WDR64: variants seen among roughly 807,000 people sequenced by gnomAD.
The protein encoded by WDR64 is WD repeat-containing protein 64.
WDR64 carries 112 observed loss-of-function variants against 139.3 expected under a neutral mutation model. That is an observed-to-expected ratio of 0.80 (90% CI 0.69 to 0.94). WDR64 has a LOEUF of 0.94. WDR64 is among the 40% of genes least tolerant of loss of function. The pLI is 0.00. For missense variants in WDR64, 1,206 were observed against 1,293.1 expected (o/e 0.93, Z 1.03); for synonymous variants, 444 against 437.7 (o/e 1.01, Z -0.18).
chr1:241,772,979 A>G (rs1451148991), intron 20 of WDR64, 48 bp downstream of exon 20: 4 of 1,512,262 alleles, frequency 2.6e-6, no homozygotes, highest in Non-Finnish European at 2.7e-6. Flanking sequence ...GGGAAAGATA[A>G]AAAGAATCAT....
At chr1:241,713,535 A>G (rs866391722) in intron 9 of WDR64, among the ~76,000 whole-genome samples, 1 of 141,034 alleles carries the variant, frequency 7.1e-6, no homozygotes, top group African/African-American at 2.7e-5. Flanking sequence ...AAAAGCAAGG[A>G]AGGGAGGGAG....
intron 14 of WDR64, among the ~76,000 whole-genome samples, chr1:241,750,350 C>T (rs1207611110): frequency 1.3e-5 from 2 of 152,142 alleles, no homozygotes; most frequent in Non-Finnish European, 2.9e-5. Context: ...ATTGCCTTTA[C>T]CCTTTTGAAA....
intron 11 of WDR64, among the ~76,000 whole-genome samples, chr1:241,739,880 T>G (rs887091188): frequency 6.6e-6 from 1 of 152,232 alleles, no homozygotes; most frequent in African/African-American, 2.4e-5. Flanking sequence ...ATTCATTCTT[T>G]GATTCAAATG....
chr1:241,795,330 GAGA>G, intron 26 of WDR64, 43 bp downstream of exon 26: 2 of 1,541,442 alleles, frequency 1.3e-6, no homozygotes, highest in South Asian at 1.2e-5. Flanking sequence ...CAGAACAGTA[GAGA>G]ATCTGCCATC....
chr1:241,746,876 C>T (rs577042074), intron 13 of WDR64, among the ~76,000 whole-genome samples: 1 of 151,910 alleles, frequency 6.6e-6, no homozygotes, highest in African/African-American at 2.4e-5. Flanking sequence ...TCTCCTGCCT[C>T]AGCCTTCTGA....
rs1659526939 is a variant in WDR64 at position 241,801,593 on chromosome 1, G to C, written c.*378G>C. ...ACTGTCAGAACATGTGCAGTAAAAG[G>C]CACTTTCAAGTCATGCTATGTGTTG... On this transcript the variant is annotated 3_prime_UTR_variant, in exon 28 of 28. Coordinates refer to ENST00000437684, the MANE Select transcript of WDR64 (RefSeq NM_001367482.1). 1 of 401,456 alleles carries C rather than the reference G, an allele frequency of 2.5e-6. No individual in the cohort carries two copies. Among genetic ancestry groups the C allele is most frequent in the African/African-American group, 2.1e-5 (1 of 48,680 alleles). 24.9% of individuals were successfully genotyped at this position (401,456 alleles called of 1,614,324 possible).
At chr1:241,778,526 G>A (rs995365991) in intron 21 of WDR64, among the ~76,000 whole-genome samples, 1 of 152,118 alleles carries the variant, frequency 6.6e-6, no homozygotes, top group Non-Finnish European at 1.5e-5. Flanking sequence ...AGTTGAATTA[G>A]TATCTACCAT....
chr1:241,738,158 ACTG>A (rs35933135), intron 10 of WDR64, among the ~76,000 whole-genome samples: 53,909 of 151,870 alleles, frequency 0.35, 9,771 homozygotes, highest in East Asian at 0.5. Flanking sequence ...CAAAGTAATC[ACTG>A]CTGCTATTTT....
intron 2 of WDR64, among the ~76,000 whole-genome samples, chr1:241,665,987 C>G (rs1174114739): frequency 6.6e-6 from 1 of 152,096 alleles, no homozygotes; most frequent in African/African-American, 2.4e-5. Context: ...AAGCTGCATG[C>G]AGGTTTTTAT....
intron 10 of WDR64, among the ~76,000 whole-genome samples, chr1:241,728,823 C>CT (rs66478639): frequency 8.0e-4 from 119 of 148,690 alleles, no homozygotes; most frequent in African/African-American, 1.1e-3. Context: ...TTCTCTTCTT[C>CT]TTTTTTTTTT....
At chr1:241,669,958 A>T (rs534995844) in intron 2 of WDR64, among the ~76,000 whole-genome samples, 1 of 152,352 alleles carries the variant, frequency 6.6e-6, no homozygotes, top group African/African-American at 2.4e-5. Context: ...CCGGGTGGCT[A>T]GTATGCACAG....
chr1:241,722,187 G>A (rs1668637441), intron 9 of WDR64, among the ~76,000 whole-genome samples: 4 of 152,052 alleles, frequency 2.6e-5, no homozygotes, highest in Admixed American at 1.3e-4. Context: ...AATACCCAAC[G>A]GCATTAGCTA....
intron 9 of WDR64, among the ~76,000 whole-genome samples, chr1:241,714,756 G>C (rs1024737560): frequency 6.6e-6 from 1 of 152,162 alleles, no homozygotes; most frequent in African/African-American, 2.4e-5. Context: ...CAATGCACTA[G>C]AAGTTAGAAT....
At chr1:241,660,775 T>C (rs1665802550) in intron 2 of WDR64, 115 bp downstream of exon 2, 2 of 1,133,150 alleles carry the variant, frequency 1.8e-6, no homozygotes, top group Non-Finnish European at 2.5e-6. Context: ...CGTGCATGTG[T>C]CAGTTTCAAT....
intron 10 of WDR64, among the ~76,000 whole-genome samples, chr1:241,725,668 G>A (rs572169509): frequency 6.6e-6 from 1 of 152,276 alleles, no homozygotes; most frequent in Non-Finnish European, 1.5e-5. Flanking sequence ...TCACAACTGA[G>A]GACGTGACCT....
rs747769344 is a variant in WDR64, at chr1:241,787,958, C to T, written c.2815C>T (p.Pro939Ser). The change falls in exon 24 of 28, where the codon CCC becomes TCC. Residue 939 changes from proline (P) to serine (S), a missense_variant. Physicochemically the swap from Pro to Ser is moderately conservative, Grantham distance 74. Transcript: ENST00000437684. ...FILPCDVTEY[P>S]IEIKEESKFT... is the part of the protein sequence containing the mutation. Reference sequence around the variant, plus strand: ...TTTGCCTTGTGATGTTACTGAATATCCCATAGAAATAAAAGAAGAAAGCAA... The same window carrying T: ...TTTGCCTTGTGATGTTACTGAATATTCCATAGAAATAAAAGAAGAAAGCAA... The T allele has an allele frequency of 6.2e-7, 1 of 1,610,148 alleles. No individual in the cohort carries two copies. The highest frequency in any genetic ancestry group is 8.5e-7 in the Non-Finnish European group (1 of 1,178,724).
At chr1:241,781,019 AAAAC>A (rs1408345066) in intron 22 of WDR64, among the ~76,000 whole-genome samples, 6 of 152,220 alleles carry the variant, frequency 3.9e-5, no homozygotes, top group Non-Finnish European at 8.8e-5. Context: ...AAGCTGAACA[AAAAC>A]AAACCGTATG....
chr1:241,687,526 T>C lies in WDR64; in HGVS notation c.905T>C (p.Phe302Ser), dbSNP rs1402405369. The change falls in exon 8 of 28, where the codon TTT becomes TCT. Residue 302 changes from phenylalanine (F) to serine (S), a missense_variant. Physicochemically the swap from Phe to Ser is radical, Grantham distance 155. Coordinates refer to ENST00000437684, the MANE Select transcript of WDR64 (RefSeq NM_001367482.1). Reference sequence around the variant, plus strand: ...AGATATATTTCAGCCCTAAATTGTTTTGGATCCTGCTCCTTAGACAGTAAT... The same window carrying C: ...AGATATATTTCAGCCCTAAATTGTTCTGGATCCTGCTCCTTAGACAGTAAT... ...KIRYISALNC[F>S]GSCSLDSNHS... is the part of the protein sequence containing the mutation. The C allele has an allele frequency of 3.1e-6, 5 of 1,613,846 alleles. No homozygotes were observed. The highest frequency in any genetic ancestry group is 1.7e-6 in the Non-Finnish European group (2 of 1,179,916).
chr1:241,769,648 C>A (rs941935718), intron 17 of WDR64, 143 bp downstream of exon 17: 1 of 736,420 alleles, frequency 1.4e-6, no homozygotes, highest in Non-Finnish European at 2.2e-6. Context: ...GAAGGGACCA[C>A]TGAAAAAAGA....
Sources: gnomAD v4.1 joint callset for allele counts (sites outside exome capture counted in the v4.1 genomes callset) on GRCh38, gnomAD v4.1.1 for gene constraint, MANE v1.5 for transcripts, NCBI Gene and HGNC (gene_info 2026-07-23, HGNC 2026-07-21) for gene names.